CYP2C19: variants seen among roughly 807,000 people sequenced by gnomAD.
The protein encoded by CYP2C19 is cytochrome P450 2C19.
CYP2C19 carries 59 observed loss-of-function variants against 40.9 expected under a neutral mutation model. The observed-to-expected ratio is 1.44, with a 90% confidence interval of 1.17 to 1.79. CYP2C19 has a LOEUF of 1.79. Ranked by LOEUF, CYP2C19 falls within the 40% of genes most tolerant of loss-of-function variation. The pLI is 0.00. For synonymous variants in CYP2C19, 253 were observed against 208.7 expected (o/e 1.21, Z -1.83); for missense variants, 754 against 596.9 (o/e 1.26, Z -2.74).
At chr10:94,849,756 C>A (rs982367913) in intron 7 of CYP2C19, among the ~76,000 whole-genome samples, 161 bp from the exon 8 acceptor site, 1 of 151,110 alleles carries the variant, frequency 6.6e-6, no homozygotes, top group Non-Finnish European at 1.5e-5. Context: ...TAAGCTCATG[C>A]CTCTTATTAC....
intron 5 of CYP2C19, among the ~76,000 whole-genome samples, chr10:94,783,825 A>G (rs936600470): frequency 6.6e-6 from 1 of 152,082 alleles, no homozygotes; most frequent in African/African-American, 2.4e-5. Context: ...CAACTTGTCA[A>G]TTTCTTCAAA....
intron 6 of CYP2C19, among the ~76,000 whole-genome samples, chr10:94,836,726 C>T (rs113461058): frequency 0.077 from 11,783 of 152,210 alleles, 515 homozygotes; most frequent in South Asian, 0.12. Flanking sequence ...TAGCCCTAAG[C>T]ATTTAACCTG....
intron 5 of CYP2C19, among the ~76,000 whole-genome samples, chr10:94,800,187 G>A (rs1848744265): frequency 6.6e-6 from 1 of 152,050 alleles, no homozygotes. Context: ...TTGTGGTTTT[G>A]GTGTGAATGT....
At chr10:94,849,520 G>C (rs535907438) in intron 7 of CYP2C19, among the ~76,000 whole-genome samples, 3 of 151,728 alleles carry the variant, frequency 2.0e-5, no homozygotes, top group African/African-American at 7.3e-5. Flanking sequence ...TAGGGTACAT[G>C]TGCACAATGT....
At chr10:94,780,783 C>T (rs1188090228) in intron 4 of CYP2C19, 124 bp downstream of exon 4, 1 of 1,045,670 alleles carries the variant, frequency 9.6e-7, no homozygotes, top group African/African-American at 1.6e-5. Flanking sequence ...CCTAGACAGC[C>T]ATGGGGTGAA....
At chr10:94,770,257 C>T (rs1238277993) in intron 1 of CYP2C19, among the ~76,000 whole-genome samples, 2 of 152,154 alleles carry the variant, frequency 1.3e-5, no homozygotes, top group African/African-American at 2.4e-5. Context: ...AACCATTGCA[C>T]TCTGGGGAAG....
In CYP2C19 at chr10:94,825,403, G is replaced by A. The variant is rs1380347454; in HGVS notation, c.961+4766G>A. On this transcript the variant is annotated intron_variant, in intron 6 of 8. Transcript: ENST00000371321. ...GGTTTTGATTTGCATTTCTCTGATG[G>A]CCAGTGATGATGAGCATTTTTTCAT... is the stretch of plus-strand genomic sequence containing the variant. Among the ~76,000 whole-genome samples the A allele has an allele frequency of 2.7e-5, 4 of 150,348 alleles. No homozygotes were observed. In the South Asian group the frequency reaches 8.4e-4, roughly 32 times the overall value.
chr10:94,783,031 G>A (rs1014247711), intron 5 of CYP2C19, among the ~76,000 whole-genome samples: 1 of 151,982 alleles, frequency 6.6e-6, no homozygotes, highest in Non-Finnish European at 1.5e-5. Context: ...ATAGGTGCAG[G>A]AGACCACCAT....
rs184472389 is a variant in CYP2C19 at position 94,788,471 on chromosome 10, C to T, written c.819+6474C>T. ...TGCAGTTTTGCTACATAGGTATATA[C>T]GCACCATGGTGGTTTGCTGCACCCA... On this transcript the variant is annotated intron_variant, in intron 5 of 8. Coordinates refer to ENST00000371321, the MANE Select transcript of CYP2C19 (RefSeq NM_000769.4). 3.2e-4 allele frequency among the ~76,000 whole-genome samples: 49 copies of T among 152,132 alleles called. 1 individual carries two copies. In the East Asian group the frequency reaches 4.8e-3, roughly 15 times the overall value.
chr10:94,804,538 C>T (rs1848807592), intron 5 of CYP2C19, among the ~76,000 whole-genome samples: 1 of 152,204 alleles, frequency 6.6e-6, no homozygotes, highest in South Asian at 2.1e-4. Flanking sequence ...GTGTCTTTCC[C>T]TCTCAGCATG....
chr10:94,816,898 G>T (rs1038270407), intron 5 of CYP2C19, among the ~76,000 whole-genome samples: 1 of 145,976 alleles, frequency 6.9e-6, no homozygotes, highest in African/African-American at 2.5e-5. Context: ...TCCCTACAAA[G>T]GATATGAACT....
Position 94,762,751 on chromosome 10 carries a change from C to A in CYP2C19, c.46C>A (p.Leu16Ile), listed in dbSNP as rs147255955. The change falls in exon 1 of 9, where the codon CTC becomes ATC. Residue 16 changes from leucine to isoleucine, a missense_variant. Transcript: ENST00000371321. ...VLVLCLSCLL[L>I]LSIWRQSSGR... ...TGTGCTCTGTCTCTCATGTTTGCTTCTCCTTTCAATCTGGAGACAGAGCTC... is the reference window on the plus strand; with the variant it reads ...TGTGCTCTGTCTCTCATGTTTGCTTATCCTTTCAATCTGGAGACAGAGCTC... 1 of 1,613,838 alleles carries A rather than the reference C, an allele frequency of 6.2e-7. No individual in the cohort carries two copies. The highest frequency in any genetic ancestry group is 1.7e-5 in the Admixed American group (1 of 60,000).
In CYP2C19 at chr10:94,799,511, T is replaced by A. The variant is rs549396585; in HGVS notation, c.819+17514T>A. 1.5e-3 allele frequency among the ~76,000 whole-genome samples: 234 copies of A among 152,314 alleles called. 10 individuals carry two copies. The South Asian group carries it at 0.046, about 30-fold the overall frequency. ...TTGCTCTTCTCGAGGAGTATCTTTG[T>A]GGCTTTCTCTGTGTTTCCTAAATTT... is the stretch of plus-strand genomic sequence containing the variant. On this transcript the variant is annotated intron_variant, in intron 5 of 8. Transcript: ENST00000371321.
At chr10:94,810,976 G>A (rs1264405068) in intron 5 of CYP2C19, among the ~76,000 whole-genome samples, 1 of 152,094 alleles carries the variant, frequency 6.6e-6, no homozygotes, top group Non-Finnish European at 1.5e-5. Context: ...TGTGATGTTA[G>A]GGTGTTGATT....
intron 1 of CYP2C19, among the ~76,000 whole-genome samples, chr10:94,773,195 AG>A (rs1848359989): frequency 6.6e-6 from 1 of 152,306 alleles, no homozygotes; most frequent in East Asian, 1.9e-4. Flanking sequence ...GCTTGGCAAT[AG>A]GCAAAAGTCC....
intron 1 of CYP2C19, among the ~76,000 whole-genome samples, chr10:94,768,543 C>A (rs1848280725): frequency 6.6e-6 from 1 of 152,140 alleles, no homozygotes; most frequent in Non-Finnish European, 1.5e-5. Context: ...CACCTGATAT[C>A]TAAGTAGGCA....
At chr10:94,816,741 A>T (rs1396887091) in intron 5 of CYP2C19, among the ~76,000 whole-genome samples, 3 of 107,220 alleles carry the variant, frequency 2.8e-5, no homozygotes, top group South Asian at 3.4e-4. Flanking sequence ...CCCCCACCCC[A>T]CATCAGTCCC....
chr10:94,774,565 C>CT (rs1490590420), intron 1 of CYP2C19: 1 of 167,540 alleles, frequency 6.0e-6, no homozygotes, highest in Non-Finnish European at 1.3e-5. Flanking sequence ...GGTGCTTTTA[C>CT]TATAAATGCT....
rs772837027 is a variant in CYP2C19, at chr10:94,780,614, A to G, written c.597A>G (p.Glu199=). ...YKDQQFLNLM[E]KLNENIRIVS... is the part of the protein sequence containing the mutation. ...ATCAGCAATTTCTTAACTTGATGGA[A>G]AAATTGAATGAAAACATCAGGATTG... The change falls in exon 4 of 9, where the codon GAA becomes GAG. Residue 199 remains glutamate, a synonymous_variant. Transcript: ENST00000371321. 3.7e-6 allele frequency: 6 copies of G among 1,613,732 alleles called. No homozygotes were observed. The highest frequency in any genetic ancestry group is 4.2e-6 in the Non-Finnish European group (5 of 1,179,886).
Sources: allele counts gnomAD v4.1 joint callset (sites outside exome capture counted in the v4.1 genomes callset), GRCh38; gene constraint gnomAD v4.1.1; transcripts MANE v1.5; gene names NCBI Gene and HGNC (gene_info 2026-07-23, HGNC 2026-07-21).